The following RBPJ variants were observed in gnomAD, a reference collection of about 807,000 sequenced individuals.
RBPJ encodes recombining binding protein suppressor of hairless.
A neutral mutation model predicts 67.8 loss-of-function variants in RBPJ; 9 were observed. That is an observed-to-expected ratio of 0.13 (90% confidence interval 0.08 to 0.23). The LOEUF (loss-of-function observed/expected upper bound fraction) is 0.23, where lower values mean the gene tolerates loss of function less well. Among genes scored for constraint, RBPJ ranks in the 10% least tolerant of loss-of-function variants. RBPJ has a pLI of 1.00. For synonymous variants in RBPJ, 198 were observed against 203.3 expected (o/e 0.97, Z 0.22); for missense variants, 305 against 595.6 (o/e 0.51, Z 5.08).
chr4:26,429,992 A>G lies in RBPJ; in HGVS notation c.983A>G (p.Tyr328Cys), dbSNP rs1387604258. The change falls in exon 9 of 11, where the codon TAT becomes TGT. Residue 328 changes from tyrosine (Y) to cysteine (C), a missense_variant. By Grantham distance (194) the Tyr-to-Cys change is radical. Around this residue, in one of 7 missense-constraint regions of RBPJ, gnomAD observed 66 missense variants for 226.0 expected, o/e 0.29. Transcript: ENST00000355476. ...ACAGATAAGGCAGAGTATACATTTTATGAGGGAATGGGCCCTGTCCTTGCC... is the reference window on the plus strand; with the variant it reads ...ACAGATAAGGCAGAGTATACATTTTGTGAGGGAATGGGCCCTGTCCTTGCC... ...ISTDKAEYTF[Y>C]EGMGPVLAPV... 2.5e-6 allele frequency: 4 copies of G among 1,614,140 alleles called. No homozygotes were observed. The South Asian group carries it at 4.4e-5, about 18-fold the overall frequency.
Position 26,431,151 on chromosome 4 carries a change from T to C in RBPJ, c.*144T>C. The C allele has an allele frequency of 3.8e-6, 1 of 263,384 alleles. No homozygotes were observed. The highest frequency in any genetic ancestry group is 6.9e-6 in the Non-Finnish European group (1 of 145,568). The allele number at this position is 263,384 out of a possible 1,614,324, so 16.3% of individuals were successfully genotyped here. ...CTATTCAAAAACCCCGTTGTCTCCCTGCAAGTGCTGATTTGAAATGCAGAA... is the reference window on the plus strand; with the variant it reads ...CTATTCAAAAACCCCGTTGTCTCCCCGCAAGTGCTGATTTGAAATGCAGAA... On this transcript the variant is annotated 3_prime_UTR_variant, in exon 11 of 11. Coordinates refer to ENST00000355476, the MANE Select transcript of RBPJ (RefSeq NM_015874.6).
intron 1 of RBPJ, among the ~76,000 whole-genome samples, chr4:26,358,687 GCA>G (rs1434612983): frequency 6.6e-6 from 1 of 151,762 alleles, no homozygotes; most frequent in Non-Finnish European, 1.5e-5. Context: ...GGAGGCTGAG[GCA>G]TGAGGATTAC....
chr4:26,425,692 CA>C (rs1394123505), intron 7 of RBPJ, among the ~76,000 whole-genome samples: 2 of 152,044 alleles, frequency 1.3e-5, no homozygotes, highest in African/African-American at 4.8e-5. Context: ...ATAGTGCCAC[CA>C]CCCTCCCAAT....
intron 1 of RBPJ, among the ~76,000 whole-genome samples, chr4:26,245,203 ATTTTTTT>A (rs869234645): frequency 3.0e-5 from 3 of 98,402 alleles, no homozygotes; most frequent in Admixed American, 1.2e-4. Context: ...TCACTATTGT[ATTTTTTT>A]TTTTTTTTTT....
the RBPJ span, among the ~76,000 whole-genome samples, chr4:26,138,639 A>T: frequency 2.0e-5 from 3 of 152,326 alleles, no homozygotes; most frequent in African/African-American, 7.2e-5. Context: ...TCCAGAGAGC[A>T]TGTTTAGAAT....
chr4:26,424,227 A>G lies in RBPJ; in HGVS notation c.497-115A>G. The G allele has an allele frequency of 1.0e-6, 1 of 988,210 alleles. No individual in the cohort carries two copies. The highest frequency in any genetic ancestry group is 1.5e-6 in the Non-Finnish European group (1 of 662,064). 61.2% of individuals were successfully genotyped at this position (988,210 alleles called of 1,614,324 possible). Reference sequence around the variant, plus strand: ...TCTTGGAAAGTGAAAATATTTGTCAAACTGTTAAATGATAAGAAAGAATAA... The same window carrying G: ...TCTTGGAAAGTGAAAATATTTGTCAGACTGTTAAATGATAAGAAAGAATAA... On this transcript the variant is annotated intron_variant, in intron 5 of 10. Coordinates refer to ENST00000355476, the MANE Select transcript of RBPJ (RefSeq NM_015874.6). The surrounding 1 kb of genome is among the most constrained non-coding windows in gnomAD (Gnocchi z 5.3).
the RBPJ span, among the ~76,000 whole-genome samples, chr4:26,142,289 A>G: frequency 6.6e-6 from 1 of 152,222 alleles, no homozygotes; most frequent in South Asian, 2.1e-4. Flanking sequence ...AAGAGAAAAG[A>G]AAAAAGACAC....
the RBPJ span, among the ~76,000 whole-genome samples, chr4:26,106,754 G>A: frequency 6.6e-6 from 1 of 152,120 alleles, no homozygotes; most frequent in African/African-American, 2.4e-5. Context: ...CCTTTAAACT[G>A]GCTAGAATGT....
chr4:26,333,464 A>G (rs1026744890), intron 1 of RBPJ, among the ~76,000 whole-genome samples: 1 of 152,198 alleles, frequency 6.6e-6, no homozygotes, highest in Non-Finnish European at 1.5e-5. Flanking sequence ...ACTTGATTAG[A>G]CTAGTCTTTG....
At chr4:26,278,387 T>C (rs1374493014) in intron 1 of RBPJ, among the ~76,000 whole-genome samples, 1 of 152,188 alleles carries the variant, frequency 6.6e-6, no homozygotes, top group African/African-American at 2.4e-5. Flanking sequence ...AATGTTGCAA[T>C]GAATTTACTA....
At chr4:26,250,517 AC>A (rs1428494452) in intron 1 of RBPJ, among the ~76,000 whole-genome samples, 2 of 151,412 alleles carry the variant, frequency 1.3e-5, no homozygotes, top group Non-Finnish European at 2.9e-5. Context: ...TTTTTAGTAG[AC>A]CATGGGGTTT....
chr4:26,222,633 AATATATATAT>A (rs10673072), intron 1 of RBPJ, among the ~76,000 whole-genome samples: 39 of 135,930 alleles, frequency 2.9e-4, no homozygotes, highest in African/African-American at 1.0e-3. Context: ...TGTACTCTGA[AATATATATAT>A]ATATATATAT....
At chr4:26,142,058 G>A in the RBPJ span, among the ~76,000 whole-genome samples, 1 of 152,274 alleles carries the variant, frequency 6.6e-6, no homozygotes. Flanking sequence ...CCTTGCCGTG[G>A]TTAAGTGGCT....
intron 1 of RBPJ, among the ~76,000 whole-genome samples, chr4:26,232,996 A>T (rs1297503842): frequency 1.3e-5 from 2 of 152,262 alleles, no homozygotes; most frequent in African/African-American, 4.8e-5. Flanking sequence ...TCAAAAAGAT[A>T]AATAATTGGA....
intron 1 of RBPJ, among the ~76,000 whole-genome samples, chr4:26,222,051 G>C (rs1020927585): frequency 3.9e-5 from 6 of 152,180 alleles, no homozygotes; most frequent in Non-Finnish European, 8.8e-5. Flanking sequence ...CTTTGACGAG[G>C]GGCCCTAGAG....
intron 2 of RBPJ, among the ~76,000 whole-genome samples, chr4:26,388,621 C>G (rs908003273): frequency 1.3e-5 from 2 of 152,232 alleles, no homozygotes; most frequent in Admixed American, 6.5e-5. Context: ...CTCTCTCTCT[C>G]TCTCTCAAAT....
intron 1 of RBPJ, among the ~76,000 whole-genome samples, chr4:26,307,838 T>C (rs1315486226): frequency 6.6e-6 from 1 of 152,246 alleles, no homozygotes. Flanking sequence ...ATATTAACAA[T>C]ACCTTAATAT....
In RBPJ at chr4:26,416,721, T is replaced by C. The variant is rs144878215; in HGVS notation, c.321+1081T>C. On this transcript the variant is annotated intron_variant, in intron 4 of 10. Coordinates refer to ENST00000355476, the MANE Select transcript of RBPJ (RefSeq NM_015874.6). Reference sequence around the variant, plus strand: ...TTGTTGAATATTTTAGTGTTTGCTATGTTGTAGTTGGCACTAGGTATATGG... The same window carrying C: ...TTGTTGAATATTTTAGTGTTTGCTACGTTGTAGTTGGCACTAGGTATATGG... Among the ~76,000 whole-genome samples, 213 of 152,318 alleles carry C rather than the reference T, an allele frequency of 1.4e-3. 2 individuals are homozygous for C. Among genetic ancestry groups the C allele is most frequent in the East Asian group, 0.013 (70 of 5,188 alleles).
intron 1 of RBPJ, among the ~76,000 whole-genome samples, chr4:26,173,299 C>A (rs10000896): frequency 0.25 from 38,015 of 151,916 alleles, 5,896 homozygotes; most frequent in African/African-American, 0.44. Context: ...CCATGCCCGG[C>A]TAATTTTTGT....
Sources: gnomAD v4.1 joint callset for allele counts (sites outside exome capture counted in the v4.1 genomes callset) on GRCh38, gnomAD v4.1.1 for gene constraint, gnomAD v4.1.1 regional missense constraint, Gnocchi (gnomAD v3.1) non-coding constraint, MANE v1.5 for transcripts, NCBI Gene and HGNC (gene_info 2026-07-23, HGNC 2026-07-21) for gene names.